Variants in PARD3B observed in about 807,000 individuals in gnomAD.
The protein encoded by PARD3B is partitioning defective 3 homolog B.
PARD3B carries 103 observed loss-of-function variants against 130.2 expected under a neutral mutation model. The ratio of observed to expected loss-of-function variants is 0.79; its 90% CI spans 0.67 to 0.93. The LOEUF (loss-of-function observed/expected upper bound fraction) is 0.93. PARD3B is among the 40% of genes least tolerant of loss of function. The pLI, the probability that PARD3B is intolerant of heterozygous loss-of-function variation, is 0.00. For synonymous variants in PARD3B, 583 were observed against 553.2 expected (o/e 1.05, Z -0.76); for missense variants, 1,609 against 1,499.2 (o/e 1.07, Z -1.21).
intron 2 of PARD3B, among the ~76,000 whole-genome samples, chr2:204,764,715 CGT>C (rs10522212): frequency 3.6e-4 from 52 of 145,634 alleles, no homozygotes; most frequent in Admixed American, 6.2e-4. Context: ...GGCATGCATG[CGT>C]GTGTGTGTGT....
At chr2:205,557,339 A>C (rs1288524583) in intron 22 of PARD3B, among the ~76,000 whole-genome samples, 2 of 150,260 alleles carry the variant, frequency 1.3e-5, no homozygotes, top group Admixed American at 6.7e-5. Context: ...AACCCTTTCT[A>C]CTCCCGTTAA....
At chr2:205,343,498 T>C (rs570897834) in intron 18 of PARD3B, among the ~76,000 whole-genome samples, 1 of 152,354 alleles carries the variant, frequency 6.6e-6, no homozygotes, top group African/African-American at 2.4e-5. Flanking sequence ...ACAGGGAAAC[T>C]TGTGCTCCTT....
intron 20 of PARD3B, among the ~76,000 whole-genome samples, chr2:205,491,485 G>A (rs1238980074): frequency 6.6e-6 from 1 of 152,154 alleles, no homozygotes; most frequent in East Asian, 1.9e-4. Flanking sequence ...TTTGGTACCA[G>A]TACCATACTG....
intron 2 of PARD3B, among the ~76,000 whole-genome samples, chr2:204,959,851 C>T (rs995239332): frequency 6.6e-6 from 1 of 152,134 alleles, no homozygotes; most frequent in Non-Finnish European, 1.5e-5. Context: ...CAATTAATAT[C>T]TACATATTGA....
intron 3 of PARD3B, among the ~76,000 whole-genome samples, chr2:204,999,628 T>C (rs1297191768): frequency 6.6e-6 from 1 of 152,246 alleles, no homozygotes; most frequent in Non-Finnish European, 1.5e-5. Context: ...TGATAATCAT[T>C]GTCCTTTTCT....
rs563373513 is a variant in PARD3B at position 205,572,188 on chromosome 2, G to T, written c.3260+18785G>T. On this transcript the variant is annotated intron_variant, in intron 22 of 22. Transcript: ENST00000406610. The surrounding 1 kb of genome is among the most constrained non-coding windows in gnomAD (Gnocchi z 4.2). ...ATAAAACACAGTTCTTATCTCTAGG[G>T]ATTTTCAGTCTCTGGTACCTTGGGA... Among the ~76,000 whole-genome samples the T allele has an allele frequency of 6.6e-6, 1 of 152,264 alleles. No homozygotes were observed.
rs2030368358 is a variant in PARD3B at position 205,119,415 on chromosome 2, T to C, written c.806+369T>C. Among the ~76,000 whole-genome samples the C allele has an allele frequency of 1.3e-5, 2 of 152,110 alleles. 1 individual carries two copies. The highest frequency in any genetic ancestry group is 4.1e-4 in the South Asian group (2 of 4,822). ...ATTAACTTTCTTGGTGTCAGCAGTC[T>C]TCCTTAAACTAAAAAATCTGTGAGA... On this transcript the variant is annotated intron_variant, in intron 7 of 22. Transcript: ENST00000406610.
intron 2 of PARD3B, among the ~76,000 whole-genome samples, chr2:204,798,981 C>T (rs2042470574): frequency 6.6e-6 from 1 of 151,928 alleles, no homozygotes; most frequent in African/African-American, 2.4e-5. Flanking sequence ...GGGAAAGACT[C>T]CTTATGCTTG....
rs560846225 is a variant in PARD3B at position 205,222,004 on chromosome 2, C to G, written c.2141-23774C>G. On this transcript the variant is annotated intron_variant, in intron 15 of 22. Coordinates refer to ENST00000406610, the MANE Select transcript of PARD3B (RefSeq NM_001302769.2). The stretch of plus-strand genomic sequence containing the variant: ...GATCAGGAAAAATAACTAATGGGTA[C>G]TAGGCTTAATATTTGGGTGATGAAA... Among the ~76,000 whole-genome samples the G allele has an allele frequency of 2.0e-5, 3 of 151,988 alleles. No homozygotes were observed. The East Asian group carries it at 5.8e-4, about 29-fold the overall frequency.
At chr2:205,126,380 A>G (rs1236069364) in intron 10 of PARD3B, among the ~76,000 whole-genome samples, 2 of 152,238 alleles carry the variant, frequency 1.3e-5, no homozygotes, top group Non-Finnish European at 2.9e-5. Flanking sequence ...TATTGCAGTG[A>G]TATATTGGGT....
At chr2:205,305,435 C>T (rs2042154771) in intron 18 of PARD3B, among the ~76,000 whole-genome samples, 1 of 152,174 alleles carries the variant, frequency 6.6e-6, no homozygotes, top group African/African-American at 2.4e-5. Context: ...TCCCAATAGA[C>T]ATTCGTCCTG....
intron 21 of PARD3B, among the ~76,000 whole-genome samples, chr2:205,529,471 GAATCA>G (rs1224947663): frequency 6.6e-6 from 1 of 152,092 alleles, no homozygotes; most frequent in East Asian, 1.9e-4. Flanking sequence ...TCTTCTGTAG[GAATCA>G]CTAGGCCTTT....
At chr2:205,324,999 GTTCCACAAA>G (rs1329321171) in intron 18 of PARD3B, among the ~76,000 whole-genome samples, 3 of 152,118 alleles carry the variant, frequency 2.0e-5, no homozygotes, top group Non-Finnish European at 2.9e-5. Flanking sequence ...TCGTTACCAA[GTTCCACAAA>G]TTCTACTCTC....
chr2:205,347,548 C>T (rs1396880466), intron 18 of PARD3B, among the ~76,000 whole-genome samples: 2 of 152,116 alleles, frequency 1.3e-5, no homozygotes, highest in African/African-American at 4.8e-5. Context: ...TTAAAAAATA[C>T]TGCCACAGTA....
In PARD3B at chr2:204,908,832, T is replaced by A. The variant is rs2125719158; in HGVS notation, c.223-56320T>A. Reference sequence around the variant, plus strand: ...AAAAAGAAGAGATGTTTACTTTTTCTGTAGTTCTGTTAGATTACTTGACCA... The same window carrying A: ...AAAAAGAAGAGATGTTTACTTTTTCAGTAGTTCTGTTAGATTACTTGACCA... On this transcript the variant is annotated intron_variant, in intron 2 of 22. Coordinates refer to ENST00000406610, the MANE Select transcript of PARD3B (RefSeq NM_001302769.2). Among the ~76,000 whole-genome samples the A allele has an allele frequency of 1.3e-5, 2 of 152,338 alleles. 1 individual carries two copies. Among genetic ancestry groups the A allele is most frequent in the South Asian group, 4.1e-4 (2 of 4,832 alleles).
At chr2:204,727,373 A>G (rs114906434) in intron 2 of PARD3B, among the ~76,000 whole-genome samples, 1,570 of 152,328 alleles carry the variant, frequency 0.01, 34 homozygotes, top group African/African-American at 0.036. Flanking sequence ...GCAGTCAGCT[A>G]TATAGGAGAC....
chr2:204,760,303 G>A lies in PARD3B; in HGVS notation c.222+74021G>A, dbSNP rs182119881. Among the ~76,000 whole-genome samples the A allele has an allele frequency of 4.6e-3, 697 of 152,026 alleles. 5 individuals carry two copies. The highest frequency in any genetic ancestry group is 0.015 in the African/African-American group (637 of 41,494). On this transcript the variant is annotated intron_variant, in intron 2 of 22. Coordinates refer to ENST00000406610, the MANE Select transcript of PARD3B (RefSeq NM_001302769.2). ...TGAAATTAATATTTATTTTTGAATC[G>A]TGTTAAAAGCATTTTTGCTTGTATT...
chr2:204,876,313 C>A (rs535463913), intron 2 of PARD3B, among the ~76,000 whole-genome samples: 1 of 152,158 alleles, frequency 6.6e-6, no homozygotes, highest in Non-Finnish European at 1.5e-5. Context: ...GCTTGGTAAA[C>A]GTGATGTATC....
At chr2:205,316,237 G>C in intron 18 of PARD3B, among the ~76,000 whole-genome samples, 1 of 151,980 alleles carries the variant, frequency 6.6e-6, no homozygotes, top group Non-Finnish European at 1.5e-5. Flanking sequence ...TTTAATTTCT[G>C]CTTGAAGAAA....
Sources: gnomAD v4.1 joint callset for allele counts (sites outside exome capture counted in the v4.1 genomes callset) on GRCh38, gnomAD v4.1.1 for gene constraint, Gnocchi (gnomAD v3.1) non-coding constraint, MANE v1.5 for transcripts, NCBI Gene and HGNC (gene_info 2026-07-23, HGNC 2026-07-21) for gene names.